Variants in BAP1 observed in about 807,000 individuals in gnomAD.
BAP1 encodes BRCA1 associated deubiquitinase 1, also known as ubiquitin carboxyl-terminal hydrolase BAP1.
Under a neutral mutation model 77.2 loss-of-function variants are expected in BAP1, and 16 were observed. The observed-to-expected ratio is 0.21, with a 90% CI of 0.14 to 0.31. The LOEUF is 0.31. BAP1 is among the 10% of genes least tolerant of loss of function. The pLI, the probability that BAP1 is intolerant of heterozygous loss-of-function variation, is 1.00. For missense variants in BAP1, 699 were observed against 967.3 expected, an observed-to-expected ratio of 0.72 and a Z score of 3.68; for synonymous variants, 362 against 385.2, an observed-to-expected ratio of 0.94 and a Z score of 0.71.
rs1234846276 is a variant in BAP1 at position 52,407,332 on chromosome 3, G to C, written c.438-16C>G. 1.9e-6 allele frequency: 3 copies of C among 1,614,026 alleles called. No homozygotes were observed. The highest frequency in any genetic ancestry group is 1.6e-4 in the Middle Eastern group (1 of 6,084). ...TGGCTCGGGCCTGGGGAAAAACAGAGTCAGGGCCCAAAAAATGATACTCCC... is the reference window on the plus strand; with the variant it reads ...TGGCTCGGGCCTGGGGAAAAACAGACTCAGGGCCCAAAAAATGATACTCCC... On this transcript the variant is annotated splice_polypyrimidine_tract_variant and intron_variant, in intron 6 of 16. Transcript: ENST00000460680.
intron 12 of BAP1, 74 bp downstream of exon 12, chr3:52,404,379 C>T (rs755159462): frequency 3.1e-6 from 5 of 1,610,854 alleles, no homozygotes; most frequent in Non-Finnish European, 4.2e-6. Flanking sequence ...AGGGCATTCT[C>T]AGACACAGAC....
In BAP1 at chr3:52,406,495, C is replaced by T; in HGVS notation, c.660-119G>A. On this transcript the variant is annotated intron_variant, in intron 8 of 16. Coordinates refer to ENST00000460680, the MANE Select transcript of BAP1 (RefSeq NM_004656.4). The surrounding 1 kb of genome is among the most constrained non-coding windows in gnomAD (Gnocchi z 4.6). Reference sequence around the variant, plus strand: ...CCTGCAGCTGTAGGTATAGGCCCCACCCCAACAGGCAGGCAGCGACTAGCC... The same window carrying T: ...CCTGCAGCTGTAGGTATAGGCCCCATCCCAACAGGCAGGCAGCGACTAGCC... The T allele has an allele frequency of 6.7e-7, 1 of 1,488,976 alleles. No individual in the cohort carries two copies. Among genetic ancestry groups the T allele is most frequent in the East Asian group, 2.4e-5 (1 of 42,272 alleles). 92.2% of individuals were successfully genotyped at this position (1,488,976 alleles called of 1,614,324 possible).
In BAP1 at chr3:52,402,743, G is replaced by A. The variant is rs1467646697; in HGVS notation, c.1983+36C>T. 2 of 1,614,164 alleles carry A rather than the reference G, an allele frequency of 1.2e-6. No individual in the cohort carries two copies. The highest frequency in any genetic ancestry group is 1.6e-4 in the Middle Eastern group (1 of 6,062). ...CAGAGCAGCCACCAGTGGACCTCGG[G>A]AGAGGCCAGATCAGGCAACTGGAGA... On this transcript the variant is annotated intron_variant, in intron 15 of 16. Transcript: ENST00000460680. This position sits in a 1 kb window ranked among gnomAD's most constrained non-coding sequence, Gnocchi z 5.3.
At position 52,406,440 on chromosome 3, in the gene BAP1, G is replaced by GAT; in HGVS notation, c.660-66_660-65dup. ...CCGGCCCCGCCATCAGGTTGAGGCA[G>GAT]ATATCCTGGCAGGGCTCCCTGCAGT... On this transcript the variant is annotated intron_variant, in intron 8 of 16. Coordinates refer to ENST00000460680, the MANE Select transcript of BAP1 (RefSeq NM_004656.4). The surrounding 1 kb of genome is among the most constrained non-coding windows in gnomAD (Gnocchi z 4.6). 6.2e-7 allele frequency: 1 copy of GAT among 1,604,590 alleles called. No homozygotes were observed. The highest frequency in any genetic ancestry group is 8.5e-7 in the Non-Finnish European group (1 of 1,179,424).
chr3:52,406,562 T>C lies in BAP1; in HGVS notation c.660-186A>G, dbSNP rs1446358364. 1.0e-6 allele frequency: 1 copy of C among 981,266 alleles called. No homozygotes were observed. The highest frequency in any genetic ancestry group is 2.1e-5 in the Admixed American group (1 of 48,676). The allele number at this position is 981,266 out of a possible 1,614,324, so 60.8% of individuals were successfully genotyped here. A position where few individuals can be genotyped will look rare whatever the true frequency, so the allele number is the denominator to read the frequency against. On this transcript the variant is annotated intron_variant, in intron 8 of 16. Transcript: ENST00000460680. The surrounding 1 kb of genome is among the most constrained non-coding windows in gnomAD (Gnocchi z 4.6). ...TGAGCTGGTACCTTCCAACAAGCTG[T>C]ATGAGGGGCCTATCTGGAAGTGAAC...
In BAP1 at chr3:52,404,467, G is replaced by A. The variant is rs1705080492; in HGVS notation, c.1236C>T (p.Thr412=). 6.2e-7 allele frequency: 1 copy of A among 1,614,078 alleles called. No individual in the cohort carries two copies. Among genetic ancestry groups the A allele is most frequent in the Non-Finnish European group, 8.5e-7 (1 of 1,180,048 alleles). ...GCTGGGCTGACCTAAGGGCAGAGTT[G>A]GTGTTCTGCACGTCATCCTCCTCGT... ...EDDEEDDVQN[T]NSALRYKGKG... is the part of the protein sequence containing the mutation. The change falls in exon 12 of 17, where the codon ACC becomes ACT. Residue 412 remains threonine, a synonymous_variant. Coordinates refer to ENST00000460680, the MANE Select transcript of BAP1 (RefSeq NM_004656.4).
chr3:52,407,471 G>C lies in BAP1; in HGVS notation c.376-11C>G, dbSNP rs1559590789. 13 of 1,614,166 alleles carry C rather than the reference G, an allele frequency of 8.1e-6. No homozygotes were observed. Among genetic ancestry groups the C allele is most frequent in the Non-Finnish European group, 1.1e-5 (13 of 1,180,034 alleles). On this transcript the variant is annotated splice_polypyrimidine_tract_variant and intron_variant, in intron 5 of 16. Transcript: ENST00000460680. ...CGCATATCCTTTGCTCTACGGGGAA[G>C]AAAATAAGGCCGTATCAGAATAATT...
chr3:52,407,569 G>A (rs1433714608), intron 5 of BAP1, 109 bp from the exon 6 acceptor site: 14 of 1,476,858 alleles, frequency 9.5e-6, no homozygotes, highest in Non-Finnish European at 1.2e-5. Flanking sequence ...GGAATCGGAA[G>A]GAACACAGAC....
In BAP1 at chr3:52,406,761, T is replaced by C; in HGVS notation, c.659+68A>G. On this transcript the variant is annotated intron_variant, in intron 8 of 16. Transcript: ENST00000460680. The surrounding 1 kb of genome is among the most constrained non-coding windows in gnomAD (Gnocchi z 4.6). ...CCTTGCAATTTACAAATCACCTGGA[T>C]ACTCTCTGTCCCTCCCAAAGTAGGT... is the stretch of plus-strand genomic sequence containing the variant. The C allele has an allele frequency of 6.7e-7, 1 of 1,498,060 alleles. No individual in the cohort carries two copies. The highest frequency in any genetic ancestry group is 2.0e-5 in the Admixed American group (1 of 50,924). The allele number at this position is 1,498,060 out of a possible 1,614,324, so 92.8% of individuals were successfully genotyped here.
Position 52,404,104 on chromosome 3 carries a change from C to T in BAP1, c.1251-210G>A, listed in dbSNP as rs1190708183. Among the ~76,000 whole-genome samples, 4 of 152,342 alleles carry T rather than the reference C, an allele frequency of 2.6e-5. No homozygotes were observed. The East Asian group carries it at 7.7e-4, about 29-fold the overall frequency. On this transcript the variant is annotated intron_variant, in intron 12 of 16. Transcript: ENST00000460680. Reference sequence around the variant, plus strand: ...GTCCTCAAAAGACACTTCCTCTATTCCAGCCATCCCACTCCTGGCCTTTTG... The same window carrying T: ...GTCCTCAAAAGACACTTCCTCTATTTCAGCCATCCCACTCCTGGCCTTTTG...
chr3:52,407,536 G>A (rs2153228026), intron 5 of BAP1, 76 bp from the exon 6 acceptor site: 2 of 1,592,460 alleles, frequency 1.3e-6, no homozygotes, highest in Non-Finnish European at 1.7e-6. Context: ...CAAAGCTTCA[G>A]AGAGCAGCCT....
rs775760293 is a variant in BAP1, at chr3:52,403,650, T to C, written c.1495A>G (p.Ile499Val). ...AGTGGCGAGTTGAAAGCACTGCCGA[T>C]CTCAGAGGCCGTGTCTGTACTCTCA... ...SNESTDTASE[I>V]GSAFNSPLRS... The change falls in exon 13 of 17, where the codon ATC (isoleucine) becomes GTC (valine). Residue 499 changes from isoleucine to valine, a missense_variant. By Grantham distance (29) the Ile-to-Val change is conservative. Transcript: ENST00000460680. This position sits in a 1 kb window ranked among gnomAD's most constrained non-coding sequence, Gnocchi z 4.0. 4 of 1,613,696 alleles carry C rather than the reference T, an allele frequency of 2.5e-6. No individual in the cohort carries two copies. Among genetic ancestry groups the C allele is most frequent in the Admixed American group, 1.7e-5 (1 of 60,008 alleles).
Position 52,409,667 on chromosome 3 carries a change from G to A in BAP1, c.67+47C>T, listed in dbSNP as rs200974000. 6.4e-5 allele frequency: 103 copies of A among 1,614,044 alleles called. No individual in the cohort carries two copies. In the East Asian group the frequency reaches 2.2e-3, roughly 35 times the overall value. ...CAGCCCCTGATGAGTGAGGGCGCAG[G>A]GGTGGGCCGCCACAGCCCCGGTCCG... On this transcript the variant is annotated intron_variant, in intron 2 of 16. Transcript: ENST00000460680.
Position 52,406,850 on chromosome 3 carries a change from C to T in BAP1, c.638G>A (p.Arg213His), listed in dbSNP as rs1220529268. ...TDKARRVIME[R>H]IGLATAGEPY... is the part of the protein sequence containing the mutation. ...TTACCCTGCAGTGGCGAGGCCGATA[C>T]GCTCCATGATGACCCGCCGGGCCTT... is the stretch of plus-strand genomic sequence containing the variant. Residue 213 changes from arginine (R) to histidine (H), a missense_variant, in exon 8 of 17, where the codon CGT (arginine) becomes CAT (histidine). Transcript: ENST00000460680. The surrounding 1 kb of genome is among the most constrained non-coding windows in gnomAD (Gnocchi z 4.6). The T allele has an allele frequency of 6.4e-7, 1 of 1,560,782 alleles. No homozygotes were observed. Among genetic ancestry groups the T allele is most frequent in the South Asian group, 1.2e-5 (1 of 84,752 alleles).
chr3:52,403,464 G>C lies in BAP1; in HGVS notation c.1681C>G (p.Leu561Val), dbSNP rs1553644818. 6.2e-7 allele frequency: 1 copy of C among 1,613,952 alleles called. No individual in the cohort carries two copies. The highest frequency in any genetic ancestry group is 8.5e-7 in the Non-Finnish European group (1 of 1,179,976). Reference protein sequence around the residue: ...RDLGPVISTGLLHLAEDGVLS... With the variant: ...RDLGPVISTGVLHLAEDGVLS... ...ACCCCATCCTCAGCCAGGTGCAGCA[G>C]GCCTGTGCTGATGACAGGACCCAGA... The change falls in exon 13 of 17, where the codon CTG (leucine) becomes GTG (valine). Residue 561 changes from leucine to valine, a missense_variant. Physicochemically the swap from Leu to Val is conservative, Grantham distance 32. Transcript: ENST00000460680. The surrounding 1 kb of genome is among the most constrained non-coding windows in gnomAD (Gnocchi z 4.0).
chr3:52,409,904 C>A lies in BAP1; in HGVS notation c.-26G>T. The A allele has an allele frequency of 1.9e-6, 3 of 1,603,224 alleles. No individual in the cohort carries two copies. Among genetic ancestry groups the A allele is most frequent in the Non-Finnish European group, 2.5e-6 (3 of 1,179,706 alleles). On this transcript the variant is annotated 5_prime_UTR_variant, in exon 1 of 17. Coordinates refer to ENST00000460680, the MANE Select transcript of BAP1 (RefSeq NM_004656.4). ...CTTCCCGCGGGGCGGCCCCTCAGCG[C>A]CATGTCCAGGCCCTCCCTCCCCACC...
At chr3:52,409,669 G>T (rs762606269) in intron 2 of BAP1, 45 bp downstream of exon 2, 1 of 1,614,116 alleles carries the variant, frequency 6.2e-7, no homozygotes, top group Admixed American at 1.7e-5. Flanking sequence ...GGGCGCAGGG[G>T]TGGGCCGCCA....
At chr3:52,408,729 CT>C in intron 3 of BAP1, 123 bp from the exon 4 acceptor site, 4 of 1,270,658 alleles carry the variant, frequency 3.1e-6, no homozygotes, top group South Asian at 2.9e-5. Flanking sequence ...GTGATCCCCC[CT>C]CTCCCCTGGC....
intron 5 of BAP1, 140 bp from the exon 6 acceptor site, chr3:52,407,600 TG>T: frequency 8.2e-7 from 1 of 1,219,800 alleles, no homozygotes. Context: ...AAAAGGCTGG[TG>T]GGGGCAGAAA....
Sources: allele counts gnomAD v4.1 joint callset (sites outside exome capture counted in the v4.1 genomes callset), GRCh38; gene constraint gnomAD v4.1.1; non-coding constraint Gnocchi (gnomAD v3.1); transcripts MANE v1.5; gene names NCBI Gene and HGNC (gene_info 2026-07-23, HGNC 2026-07-21).